Variants in PPIE observed in about 807,000 individuals in gnomAD.
PPIE encodes the protein peptidylprolyl isomerase E.
Under a neutral mutation model 38.4 loss-of-function variants are expected in PPIE, and 20 were observed. That is an observed-to-expected ratio of 0.52 (90% confidence interval 0.37 to 0.76). The LOEUF is 0.76. Ranked by LOEUF, PPIE falls within the 30% of genes least tolerant of loss-of-function variation. PPIE has a pLI of 0.00. For synonymous variants in PPIE, 142 were observed against 135.7 expected, an observed-to-expected ratio of 1.05 and a Z score of -0.32; for missense variants, 322 against 385.8, an observed-to-expected ratio of 0.83 and a Z score of 1.39.
intron 8 of PPIE, among the ~76,000 whole-genome samples, chr1:39,749,959 C>A (rs1226718548): frequency 6.6e-6 from 1 of 152,108 alleles, no homozygotes; most frequent in Non-Finnish European, 1.5e-5. Context: ...CATGGAGAAA[C>A]CCCATCTCTA....
rs1215175596 is a variant in PPIE, at chr1:39,756,210, C to T, written c.*2855C>T. The T allele has an allele frequency of 1.0e-6, 1 of 985,364 alleles. No homozygotes were observed. Among genetic ancestry groups the T allele is most frequent in the Admixed American group, 6.1e-5 (1 of 16,268 alleles). 61.0% of individuals were successfully genotyped at this position (985,364 alleles called of 1,614,324 possible). Reference sequence around the variant, plus strand: ...CCTCTCTGGGAAGTGGAGCCAGTGGCTCTGTGGGCGTCCTTTCCTGCAGCC... The same window carrying T: ...CCTCTCTGGGAAGTGGAGCCAGTGGTTCTGTGGGCGTCCTTTCCTGCAGCC... On this transcript the variant is annotated 3_prime_UTR_variant, in exon 10 of 10. Transcript: ENST00000324379.
chr1:39,761,450 C>G (rs1469541040), downstream of PPIE: 1 of 152,918 alleles, frequency 6.5e-6, no homozygotes, highest in African/African-American at 2.4e-5. Context: ...CCAGCCTCCC[C>G]CAGCAGCCAG....
intron 9 of PPIE, chr1:39,763,045 A>T: frequency 6.3e-7 from 1 of 1,596,930 alleles, no homozygotes; most frequent in Non-Finnish European, 8.6e-7. Context: ...CCCTCTCCAC[A>T]GGGCCCCCCA....
chr1:39,750,880 G>A (rs1410277622), intron 8 of PPIE, among the ~76,000 whole-genome samples: 1 of 152,152 alleles, frequency 6.6e-6, no homozygotes, highest in Non-Finnish European at 1.5e-5. Context: ...ACATGTGTAG[G>A]TGATATAGCC....
chr1:39,749,093 G>C lies in PPIE; in HGVS notation c.694+5G>C. 6.3e-7 allele frequency: 1 copy of C among 1,581,582 alleles called. No homozygotes were observed. The highest frequency in any genetic ancestry group is 8.6e-7 in the Non-Finnish European group (1 of 1,165,276). On this transcript the variant is annotated splice_donor_5th_base_variant and intron_variant, in intron 8 of 9. Coordinates refer to ENST00000324379, the MANE Select transcript of PPIE (RefSeq NM_006112.4). ...TCCTCAAGCATACGGGACCAGGTAG[G>C]AGCCAGTTGGCATGTGGTGACGAGG...
At chr1:39,763,536 G>GA in intron 9 of PPIE, 4 of 1,046,378 alleles carry the variant, frequency 3.8e-6, no homozygotes, top group Non-Finnish European at 3.9e-6. Context: ...ACAAAAAACT[G>GA]AACAAAAAAA....
chr1:39,762,639 C>T (rs759790738), intron 9 of PPIE: 100 of 1,542,758 alleles, frequency 6.5e-5, no homozygotes, highest in Middle Eastern at 1.7e-4. Flanking sequence ...TTCCTGCCTG[C>T]GGTGCGGCAC....
intron 2 of PPIE, 52 bp from the exon 3 acceptor site, chr1:39,741,314 C>T (rs1647052105): frequency 6.4e-7 from 1 of 1,561,360 alleles, no homozygotes; most frequent in Admixed American, 1.7e-5. Flanking sequence ...CATCCTGTTT[C>T]TTCCCACTAC....
intron 4 of PPIE, 95 bp from the exon 5 acceptor site, chr1:39,743,121 A>G (rs1647102890): frequency 9.1e-7 from 1 of 1,098,862 alleles, no homozygotes; most frequent in Non-Finnish European, 1.4e-6. Context: ...TTAAGGGAGG[A>G]CAAATCATGA....
chr1:39,760,824 G>A (rs773059088), downstream of PPIE, among the ~76,000 whole-genome samples: 103 of 152,186 alleles, frequency 6.8e-4, 3 homozygotes, highest in Non-Finnish European at 1.9e-4. Context: ...GCGCTAATGA[G>A]GGGCCTGGAG....
chr1:39,745,651 TAAGTC>T, intron 7 of PPIE, 153 bp downstream of exon 7: 3 of 1,253,890 alleles, frequency 2.4e-6, no homozygotes, highest in Non-Finnish European at 3.3e-6. Context: ...TAGTAACAGA[TAAGTC>T]AGAGCAGGTG....
At chr1:39,745,261 A>G in intron 6 of PPIE, 114 bp from the exon 7 acceptor site, 1 of 1,416,132 alleles carries the variant, frequency 7.1e-7, no homozygotes, top group South Asian at 1.2e-5. Context: ...CCCCGTCAGC[A>G]CTTGCTCCAG....
intron 8 of PPIE, among the ~76,000 whole-genome samples, chr1:39,750,178 C>G (rs1647571144): frequency 6.6e-6 from 1 of 152,080 alleles, no homozygotes; most frequent in Admixed American, 6.5e-5. Flanking sequence ...TGTTCCCTCT[C>G]CAGCTATCAC....
At chr1:39,749,230 T>C in intron 8 of PPIE, 142 bp downstream of exon 8, 2 of 849,686 alleles carry the variant, frequency 2.4e-6, no homozygotes, top group African/African-American at 1.7e-5. Flanking sequence ...AGGAGAACCA[T>C]GCAGCCTTGC....
At chr1:39,745,536 G>A (rs779648459) in intron 7 of PPIE, 38 bp downstream of exon 7, 3 of 1,613,400 alleles carry the variant, frequency 1.9e-6, no homozygotes, top group East Asian at 2.2e-5. Context: ...CGGGACGCTG[G>A]TGGCTGAGCA....
intron 8 of PPIE, among the ~76,000 whole-genome samples, 171 bp from the exon 9 acceptor site, chr1:39,752,739 C>T (rs1647866122): frequency 6.6e-6 from 1 of 152,214 alleles, no homozygotes; most frequent in South Asian, 2.1e-4. Flanking sequence ...CCTCACTTAC[C>T]ATTTCACTGA....
rs1464985984 is a variant in PPIE at position 39,755,070 on chromosome 1, G to A, written c.*1715G>A. 2.0e-6 allele frequency: 2 copies of A among 985,364 alleles called. No homozygotes were observed. Among genetic ancestry groups the A allele is most frequent in the East Asian group, 1.1e-4 (1 of 8,830 alleles). The allele number at this position is 985,364 out of a possible 1,614,324, so 61.0% of individuals were successfully genotyped here. On this transcript the variant is annotated 3_prime_UTR_variant, in exon 10 of 10. Transcript: ENST00000324379. The stretch of plus-strand genomic sequence containing the variant: ...GCTGAGCTCACAGTCTGGCTCTCCT[G>A]TGTGCAGCCACTTCTTGGAGCTGGC...
rs115892499 is a variant in PPIE at position 39,754,445 on chromosome 1, C to G, written c.*1090C>G. ...GTTCAGCTCTGAGGCAGTTTGGAAG[C>G]AGAATTCTTCCTCCAGTGATCTCAG... On this transcript the variant is annotated 3_prime_UTR_variant, in exon 10 of 10. Transcript: ENST00000324379. 2.3e-3 allele frequency among the ~76,000 whole-genome samples: 357 copies of G among 152,306 alleles called. 1 individual carries two copies. Among genetic ancestry groups the G allele is most frequent in the African/African-American group, 8.1e-3 (336 of 41,562 alleles).
downstream of PPIE, chr1:39,760,665 G>A: frequency 6.9e-7 from 1 of 1,453,112 alleles, no homozygotes; most frequent in Non-Finnish European, 9.2e-7. Context: ...CCCTGCCCTG[G>A]CCATCTCCAG....
Sources: allele counts gnomAD v4.1 joint callset (sites outside exome capture counted in the v4.1 genomes callset), GRCh38; gene constraint gnomAD v4.1.1; transcripts MANE v1.5; gene names NCBI Gene and HGNC (gene_info 2026-07-23, HGNC 2026-07-21).